Variants in ONECUT1 observed in about 807,000 individuals in gnomAD.
The protein encoded by ONECUT1 is hepatocyte nuclear factor 6.
In ONECUT1, 12 loss-of-function variants were observed where a neutral mutation model predicts 25.6. The ratio of observed to expected loss-of-function variants is 0.47; its 90% CI spans 0.30 to 0.76. The LOEUF is 0.76. Among genes scored for constraint, ONECUT1 ranks in the 30% least tolerant of loss-of-function variants. The pLI, the probability that ONECUT1 is intolerant of heterozygous loss-of-function variation, is 0.07. For missense variants in ONECUT1, 620 were observed against 651.2 expected (o/e 0.95, Z 0.52); for synonymous variants, 285 against 270.2 (o/e 1.05, Z -0.54).
At chr15:52,785,455 A>T (rs1367141174) in intron 1 of ONECUT1, among the ~76,000 whole-genome samples, 1 of 152,128 alleles carries the variant, frequency 6.6e-6, no homozygotes, top group East Asian at 1.9e-4. Context: ...CCTCGCCTCC[A>T]AGTCCCGCAG....
At chr15:52,774,057 T>A (rs1275105230) in intron 1 of ONECUT1, among the ~76,000 whole-genome samples, 1 of 151,424 alleles carries the variant, frequency 6.6e-6, no homozygotes, top group Non-Finnish European at 1.5e-5. Flanking sequence ...AATAATGGGA[T>A]TTTTTAGTTT....
At chr15:52,761,301 G>A (rs1396240671) in intron 1 of ONECUT1, among the ~76,000 whole-genome samples, 3 of 152,104 alleles carry the variant, frequency 2.0e-5, no homozygotes, top group African/African-American at 4.8e-5. Context: ...AACATGCTCC[G>A]AAAACCTTTC....
chr15:52,767,309 G>A (rs954325033), intron 1 of ONECUT1, among the ~76,000 whole-genome samples: 2 of 152,122 alleles, frequency 1.3e-5, no homozygotes, highest in Admixed American at 6.5e-5. Context: ...AGCTATTTTG[G>A]TGTGATTCTA....
intron 1 of ONECUT1, among the ~76,000 whole-genome samples, chr15:52,767,019 C>A (rs1472160781): frequency 2.0e-5 from 3 of 152,138 alleles, no homozygotes; most frequent in African/African-American, 7.2e-5. Flanking sequence ...GAGCTAAGCC[C>A]CATTCATGAG....
At chr15:52,780,646 C>T (rs1368739317) in intron 1 of ONECUT1, 1 of 1,535,076 alleles carries the variant, frequency 6.5e-7, no homozygotes. Flanking sequence ...GCTTTAGCCA[C>T]TCCTCTCACG....
chr15:52,769,118 G>C (rs2099943635), intron 1 of ONECUT1, among the ~76,000 whole-genome samples: 1 of 152,122 alleles, frequency 6.6e-6, no homozygotes, highest in African/African-American at 2.4e-5. Flanking sequence ...AGATCCCTGT[G>C]CAATGAAGGT....
chr15:52,765,542 C>A (rs977120402), intron 1 of ONECUT1, among the ~76,000 whole-genome samples: 3 of 151,406 alleles, frequency 2.0e-5, no homozygotes, highest in Non-Finnish European at 2.9e-5. Flanking sequence ...TGTGGATGAG[C>A]GAGCACACAA....
intron 1 of ONECUT1, chr15:52,780,944 T>G: frequency 8.5e-7 from 1 of 1,182,250 alleles, no homozygotes; most frequent in Non-Finnish European, 1.1e-6. Context: ...CATGCAGTGT[T>G]TGACAGAAAT....
At chr15:52,780,653 C>T (rs1288179582) in intron 1 of ONECUT1, 1 of 1,534,744 alleles carries the variant, frequency 6.5e-7, no homozygotes, top group African/African-American at 1.4e-5. Flanking sequence ...CCACTCCTCT[C>T]ACGCACTTCA....
chr15:52,779,110 G>A (rs1016884880), intron 1 of ONECUT1, among the ~76,000 whole-genome samples: 6 of 151,796 alleles, frequency 4.0e-5, no homozygotes, highest in African/African-American at 1.5e-4. Context: ...TTTTGAGCTG[G>A]AGTCTCGCTG....
intron 1 of ONECUT1, among the ~76,000 whole-genome samples, chr15:52,777,876 C>T (rs1022828150): frequency 6.6e-6 from 1 of 152,122 alleles, no homozygotes; most frequent in Non-Finnish European, 1.5e-5. Flanking sequence ...AAAATTAACT[C>T]TTTTTTCCAT....
chr15:52,761,296 G>A (rs570647801), intron 1 of ONECUT1, among the ~76,000 whole-genome samples: 23 of 152,280 alleles, frequency 1.5e-4, no homozygotes, highest in Admixed American at 9.2e-4. Flanking sequence ...GCCATAACAT[G>A]CTCCGAAAAC....
At chr15:52,758,916 T>C (rs2083689428) in intron 1 of ONECUT1, among the ~76,000 whole-genome samples, 1 of 151,976 alleles carries the variant, frequency 6.6e-6, no homozygotes, top group South Asian at 2.1e-4. Context: ...CCACCATCAA[T>C]CAATCCTCAC....
chr15:52,781,993 G>C (rs1291384451), intron 1 of ONECUT1, among the ~76,000 whole-genome samples: 1 of 152,194 alleles, frequency 6.6e-6, no homozygotes, highest in Non-Finnish European at 1.5e-5. Flanking sequence ...CTGTCCAGCT[G>C]TTGTCTTATT....
At chr15:52,762,250 C>T (rs2083710289) in intron 1 of ONECUT1, among the ~76,000 whole-genome samples, 1 of 152,170 alleles carries the variant, frequency 6.6e-6, no homozygotes, top group Admixed American at 6.5e-5. Context: ...TACCCCTGAG[C>T]CAGCATTTCC....
intron 1 of ONECUT1, among the ~76,000 whole-genome samples, chr15:52,776,897 A>C (rs751887021): frequency 5.3e-4 from 80 of 152,254 alleles, no homozygotes; most frequent in Admixed American, 2.6e-3. Context: ...CTCAGACTTT[A>C]ATGGACACAA....
rs766747993 is a variant in ONECUT1 at position 52,784,483 on chromosome 15, G to A, written c.1105+4297C>T. Among the ~76,000 whole-genome samples, 20 of 152,306 alleles carry A rather than the reference G, an allele frequency of 1.3e-4. No homozygotes were observed. Among genetic ancestry groups the A allele is most frequent in the Non-Finnish European group, 2.6e-4 (18 of 68,028 alleles). ...CTGACACCAAGGTCGCCACACAATA[G>A]CCATCAGCCCCCCTTAAGCCCCAGA... On this transcript the variant is annotated intron_variant, in intron 1 of 1. Coordinates refer to ENST00000305901, the MANE Select transcript of ONECUT1 (RefSeq NM_004498.4). This position sits in a 1 kb window ranked among gnomAD's most constrained non-coding sequence, Gnocchi z 5.0.
chr15:52,775,292 T>A (rs2083792749), intron 1 of ONECUT1, among the ~76,000 whole-genome samples: 1 of 152,074 alleles, frequency 6.6e-6, no homozygotes, highest in South Asian at 2.1e-4. Context: ...CTGTACTACT[T>A]CTCTTTTAAT....
intron 1 of ONECUT1, among the ~76,000 whole-genome samples, chr15:52,775,186 TA>T (rs34002754): frequency 0.064 from 8,727 of 135,548 alleles, 537 homozygotes; most frequent in East Asian, 0.16. Context: ...CAAGACTGTC[TA>T]AAAAAAAAAA....
Sources: allele counts gnomAD v4.1 joint callset (sites outside exome capture counted in the v4.1 genomes callset), GRCh38; gene constraint gnomAD v4.1.1; non-coding constraint Gnocchi (gnomAD v3.1); transcripts MANE v1.5; gene names NCBI Gene and HGNC (gene_info 2026-07-23, HGNC 2026-07-21).